CPD: variants seen among roughly 807,000 people sequenced by gnomAD.
The protein encoded by CPD is carboxypeptidase D, also known as metallocarboxypeptidase D.
In CPD, 69 loss-of-function variants were observed where a neutral mutation model predicts 138.3. The ratio of observed to expected loss-of-function variants is 0.50; its 90% confidence interval spans 0.41 to 0.61. The LOEUF is 0.61. Ranked by LOEUF, CPD falls within the 20% of genes least tolerant of loss-of-function variation. CPD has a pLI of 0.00. For synonymous variants in CPD, 651 were observed against 642.1 expected (o/e 1.01, Z -0.21); for missense variants, 1,432 against 1,733.3 (o/e 0.83, Z 3.09).
At chr17:30,399,024 A>G (rs1174462474) in intron 2 of CPD, among the ~76,000 whole-genome samples, 5 of 152,036 alleles carry the variant, frequency 3.3e-5, no homozygotes, top group Non-Finnish European at 7.4e-5. Context: ...TAGACATCAC[A>G]ACTCATTAAT....
At chr17:30,462,156 A>T in intron 19 of CPD, 94 bp downstream of exon 19, 2 of 1,249,540 alleles carry the variant, frequency 1.6e-6, no homozygotes, top group South Asian at 1.6e-5. Flanking sequence ...TCTTGAAGGG[A>T]ATAAAGAAAT....
chr17:30,452,308 T>C (rs1197898463), intron 14 of CPD, among the ~76,000 whole-genome samples: 1 of 151,224 alleles, frequency 6.6e-6, no homozygotes, highest in Non-Finnish European at 1.5e-5. Flanking sequence ...AGACAGAGTC[T>C]CACTCTGTTG....
rs1307110319 is a variant in CPD at position 30,468,232 on chromosome 17, T to C, written c.*3418T>C. On this transcript the variant is annotated 3_prime_UTR_variant, in exon 21 of 21. Coordinates refer to ENST00000225719, the MANE Select transcript of CPD (RefSeq NM_001304.5). ...ATACATTATGAAATTTGAAAGTAGG[T>C]TACCATTTTGAGGCAGTTGGATATA... 1.3e-5 allele frequency: 2 copies of C among 152,612 alleles called. No individual in the cohort carries two copies. Among genetic ancestry groups the C allele is most frequent in the African/African-American group, 2.4e-5 (1 of 41,446 alleles). The allele number at this position is 152,612 out of a possible 1,614,324, so 9.5% of individuals were successfully genotyped here.
Position 30,431,756 on chromosome 17 carries a change from C to T in CPD, c.2018-16C>T. On this transcript the variant is annotated splice_polypyrimidine_tract_variant and intron_variant, in intron 7 of 20. Coordinates refer to ENST00000225719, the MANE Select transcript of CPD (RefSeq NM_001304.5). ...GAAACAGACAACATGATACATTTTC[C>T]TCTTTTCCCTTATAGGTTCTTTGGT... 6.5e-7 allele frequency: 1 copy of T among 1,532,308 alleles called. No individual in the cohort carries two copies. Among genetic ancestry groups the T allele is most frequent in the Non-Finnish European group, 9.0e-7 (1 of 1,108,064 alleles). The allele number at this position is 1,532,308 out of a possible 1,614,324, so 94.9% of individuals were successfully genotyped here.
At chr17:30,457,823 G>T (rs1305756830) in intron 17 of CPD, among the ~76,000 whole-genome samples, 1 of 152,056 alleles carries the variant, frequency 6.6e-6, no homozygotes, top group African/African-American at 2.4e-5. Flanking sequence ...GCACCACCAT[G>T]CTGAACCAAT....
intron 6 of CPD, among the ~76,000 whole-genome samples, chr17:30,425,736 G>C (rs1912389070): frequency 6.6e-6 from 1 of 151,790 alleles, no homozygotes; most frequent in Non-Finnish European, 1.5e-5. Flanking sequence ...ATTATATGTG[G>C]ATTATTGACA....
chr17:30,386,994 G>A (rs1257787887), intron 2 of CPD, among the ~76,000 whole-genome samples: 5 of 152,126 alleles, frequency 3.3e-5, no homozygotes, highest in Non-Finnish European at 7.4e-5. Flanking sequence ...TGGGTCAAAT[G>A]GTAATTCTAT....
chr17:30,451,998 G>T, intron 14 of CPD, 152 bp downstream of exon 14: 3 of 721,810 alleles, frequency 4.2e-6, no homozygotes, highest in African/African-American at 1.8e-5. Context: ...ATCTGGAAAA[G>T]TTTTTGAATT....
chr17:30,462,292 A>G, intron 19 of CPD, 78 bp from the exon 20 acceptor site: 2 of 1,222,568 alleles, frequency 1.6e-6, no homozygotes, highest in Non-Finnish European at 2.4e-6. Context: ...AGTTTGCTAT[A>G]TGGGGCCTAA....
intron 2 of CPD, among the ~76,000 whole-genome samples, chr17:30,409,200 A>T (rs1911890557): frequency 6.6e-6 from 1 of 152,204 alleles, no homozygotes; most frequent in South Asian, 2.1e-4. Context: ...CATCCCAGGG[A>T]TGAAGCTGAC....
chr17:30,399,028 CATT>C (rs1464676407), intron 2 of CPD, among the ~76,000 whole-genome samples: 1 of 151,948 alleles, frequency 6.6e-6, no homozygotes, highest in Non-Finnish European at 1.5e-5. Context: ...CATCACAACT[CATT>C]AATTGCCTTC....
rs1913731790 is a variant in CPD, at chr17:30,469,562, G to A, written c.*4748G>A. On this transcript the variant is annotated 3_prime_UTR_variant, in exon 21 of 21. Coordinates refer to ENST00000225719, the MANE Select transcript of CPD (RefSeq NM_001304.5). ...TGTCTTCTTATGCCTTTGAAAGAAA[G>A]TTACTTTATCAAATGTATAAATAAA... is the stretch of plus-strand genomic sequence containing the variant. The A allele has an allele frequency of 6.6e-6, 1 of 152,094 alleles. No individual in the cohort carries two copies. Among genetic ancestry groups the A allele is most frequent in the African/African-American group, 2.4e-5 (1 of 41,424 alleles). 9.4% of individuals were successfully genotyped at this position (152,094 alleles called of 1,614,324 possible).
At position 30,456,695 on chromosome 17, in the gene CPD, A is replaced by T. The variant is rs1913307301; in HGVS notation, c.3498+169A>T. On this transcript the variant is annotated intron_variant, in intron 17 of 20. Coordinates refer to ENST00000225719, the MANE Select transcript of CPD (RefSeq NM_001304.5). ...CATTTCTACTAAAAATATAAAAATT[A>T]GCTGGGTGTGGTGGCAGACGCCCGT... The T allele has an allele frequency of 8.8e-6, 5 of 570,494 alleles. No individual in the cohort carries two copies. The Admixed American group carries it at 1.5e-4, about 17-fold the overall frequency. The allele number at this position is 570,494 out of a possible 1,614,324, so 35.3% of individuals were successfully genotyped here.
At chr17:30,395,294 C>G (rs1911473218) in intron 2 of CPD, among the ~76,000 whole-genome samples, 1 of 150,550 alleles carries the variant, frequency 6.6e-6, no homozygotes, top group Non-Finnish European at 1.5e-5. Flanking sequence ...AATTCTCAGC[C>G]TGATCATATT....
Position 30,467,880 on chromosome 17 carries a change from A to G in CPD, c.*3066A>G, listed in dbSNP as rs1913685188. The G allele has an allele frequency of 6.6e-6, 1 of 152,102 alleles. No individual in the cohort carries two copies. The highest frequency in any genetic ancestry group is 2.4e-5 in the African/African-American group (1 of 41,448). 9.4% of individuals were successfully genotyped at this position (152,102 alleles called of 1,614,324 possible). ...GAATTCTGTAATAGTGCCCTACATT[A>G]TGGTTTTCTGGTGGAATTGTTTTAA... On this transcript the variant is annotated 3_prime_UTR_variant, in exon 21 of 21. Transcript: ENST00000225719.
intron 5 of CPD, among the ~76,000 whole-genome samples, chr17:30,423,233 T>C (rs949265913): frequency 2.0e-5 from 3 of 152,176 alleles, no homozygotes; most frequent in African/African-American, 7.2e-5. Context: ...TTAGGCATGG[T>C]ATTTAATAAG....
At chr17:30,415,521 G>T (rs2143396429) in intron 2 of CPD, among the ~76,000 whole-genome samples, 1 of 152,056 alleles carries the variant, frequency 6.6e-6, no homozygotes, top group African/African-American at 2.4e-5. Context: ...CCCCTAAAAA[G>T]GGGTTAATAT....
At position 30,420,937 on chromosome 17, in the gene CPD, A is replaced by G. The variant is rs1176317403; in HGVS notation, c.1091A>G (p.Gln364Arg). 1 of 1,613,842 alleles carries G rather than the reference A, an allele frequency of 6.2e-7. No individual in the cohort carries two copies. The highest frequency in any genetic ancestry group is 2.2e-5 in the East Asian group (1 of 44,874). ...CKYPPASQLRQEWENNRESLI... is the reference protein window; with the variant it reads ...CKYPPASQLRREWENNRESLI... ...TACCCACCTGCTTCACAGCTTCGACAGGAATGGGAGAACAATCGTGAGTCT... is the reference window on the plus strand; with the variant it reads ...TACCCACCTGCTTCACAGCTTCGACGGGAATGGGAGAACAATCGTGAGTCT... Residue 364 changes from glutamine (Q) to arginine (R), a missense_variant, in exon 3 of 21, where the codon CAG (glutamine) becomes CGG (arginine). Gln to Arg is a conservative substitution (Grantham distance 43). Around this residue, in one of 6 missense-constraint regions of CPD, gnomAD observed 160 missense variants for 197.9 expected, o/e 0.81. Coordinates refer to ENST00000225719, the MANE Select transcript of CPD (RefSeq NM_001304.5).
chr17:30,437,078 A>G (rs887910019), intron 8 of CPD, among the ~76,000 whole-genome samples: 2 of 149,552 alleles, frequency 1.3e-5, no homozygotes, highest in African/African-American at 2.4e-5. Context: ...GCAAACCCAT[A>G]GAGACAGAAA....
Sources: allele counts gnomAD v4.1 joint callset (sites outside exome capture counted in the v4.1 genomes callset), GRCh38; gene constraint gnomAD v4.1.1; regional missense constraint gnomAD v4.1.1; transcripts MANE v1.5; gene names NCBI Gene and HGNC (gene_info 2026-07-23, HGNC 2026-07-21).